Variants in TAFA2 observed in about 807,000 individuals in gnomAD.
TAFA2 encodes TAFA chemokine like family member 2.
TAFA2 carries 7 observed loss-of-function variants against 18.8 expected under a neutral mutation model. The ratio of observed to expected loss-of-function variants is 0.37; its 90% confidence interval spans 0.21 to 0.70. TAFA2 has a LOEUF of 0.70. Among genes scored for constraint, TAFA2 ranks in the 30% least tolerant of loss-of-function variants. TAFA2 has a pLI of 0.53. For synonymous variants in TAFA2, 60 were observed against 54.2 expected (o/e 1.11, Z -0.47); for missense variants, 122 against 158.1 (o/e 0.77, Z 1.23).
At chr12:62,199,091 G>A (rs1208554337) in intron 1 of TAFA2, among the ~76,000 whole-genome samples, 1 of 152,210 alleles carries the variant, frequency 6.6e-6, no homozygotes, top group Non-Finnish European at 1.5e-5. Flanking sequence ...GCTTACTCAT[G>A]TGTCTGAAAT....
intron 1 of TAFA2, among the ~76,000 whole-genome samples, chr12:61,976,529 C>A (rs925672005): frequency 6.6e-6 from 1 of 151,694 alleles, no homozygotes; most frequent in Non-Finnish European, 1.5e-5. Flanking sequence ...TTATTATAAT[C>A]CAAAATTTTT....
intron 1 of TAFA2, among the ~76,000 whole-genome samples, chr12:61,944,957 A>G (rs1174496447): frequency 6.7e-6 from 1 of 148,794 alleles, no homozygotes; most frequent in African/African-American, 2.5e-5. Context: ...TCATTTTATG[A>G]GGCCAGCATC....
intron 1 of TAFA2, among the ~76,000 whole-genome samples, chr12:62,117,852 A>G (rs1238506872): frequency 2.6e-5 from 4 of 152,162 alleles, no homozygotes; most frequent in African/African-American, 4.8e-5. Context: ...CTTAATATTC[A>G]TCTATTTTGG....
At chr12:62,196,460 C>G (rs1197671046), upstream of TAFA2, among the ~76,000 whole-genome samples, 1 of 152,152 alleles carries the variant, frequency 6.6e-6, no homozygotes, top group African/African-American at 2.4e-5. Context: ...AAGTGAGAGA[C>G]ATGAGACTCT....
chr12:61,973,307 C>T (rs974656339), intron 1 of TAFA2, among the ~76,000 whole-genome samples: 1 of 151,292 alleles, frequency 6.6e-6, no homozygotes, highest in Non-Finnish European at 1.5e-5. Flanking sequence ...CATTTCATAT[C>T]ATATTTTAAT....
In TAFA2 at chr12:61,951,339, G is replaced by T. The variant is rs369695186; in HGVS notation, c.-1-83913C>A. ...TTTGAAAGATTTTGTAAAACAAAAT[G>T]GTTACAATAAAAGAAGCCTGATGTT... On this transcript the variant is annotated intron_variant, in intron 1 of 4. Coordinates refer to ENST00000416284, the MANE Select transcript of TAFA2 (RefSeq NM_178539.5). Among the ~76,000 whole-genome samples the T allele has an allele frequency of 8.5e-5, 13 of 152,192 alleles. No homozygotes were observed. In the East Asian group the frequency reaches 1.4e-3, roughly 16 times the overall value.
intron 1 of TAFA2, among the ~76,000 whole-genome samples, chr12:62,147,154 A>G (rs75336547): frequency 3.3e-5 from 5 of 150,994 alleles, no homozygotes; most frequent in Non-Finnish European, 5.9e-5. Flanking sequence ...CTCACTATAT[A>G]CAAAAATTAA....
At chr12:62,248,618 C>T (rs1018644930) in intron 1 of TAFA2, among the ~76,000 whole-genome samples, 2 of 152,150 alleles carry the variant, frequency 1.3e-5, no homozygotes, top group African/African-American at 2.4e-5. Flanking sequence ...GGTACCAAGT[C>T]GTCAAGCAGA....
intron 1 of TAFA2, among the ~76,000 whole-genome samples, chr12:62,239,792 G>A (rs993682580): frequency 3.3e-5 from 5 of 152,180 alleles, no homozygotes; most frequent in Non-Finnish European, 5.9e-5. Flanking sequence ...CCACCATTGA[G>A]TTATACACCA....
chr12:61,866,999 C>T (rs1272592968), intron 2 of TAFA2, among the ~76,000 whole-genome samples: 2 of 150,906 alleles, frequency 1.3e-5, no homozygotes, highest in East Asian at 1.9e-4. Context: ...AGGTTTGTTA[C>T]GTATGTATAC....
At chr12:61,952,624 A>G (rs1878509816) in intron 1 of TAFA2, among the ~76,000 whole-genome samples, 2 of 152,154 alleles carry the variant, frequency 1.3e-5, no homozygotes, top group South Asian at 4.1e-4. Flanking sequence ...AACAGAAAAG[A>G]AAAAAGCAAC....
intron 2 of TAFA2, among the ~76,000 whole-genome samples, chr12:61,791,791 T>G (rs1432740640): frequency 6.6e-6 from 1 of 151,680 alleles, no homozygotes; most frequent in Non-Finnish European, 1.5e-5. Flanking sequence ...GTATAGTCAT[T>G]GTGGAAAACA....
intron 1 of TAFA2, among the ~76,000 whole-genome samples, chr12:62,251,705 C>G (rs1032417): frequency 0.86 from 130,448 of 152,236 alleles, 56,166 homozygotes; most frequent in African/African-American, 0.93. Context: ...TTGCTCCTCA[C>G]AGTTGTTTCC....
intron 1 of TAFA2, among the ~76,000 whole-genome samples, chr12:62,202,716 G>C (rs1177988540): frequency 1.4e-5 from 2 of 147,692 alleles, no homozygotes; most frequent in Non-Finnish European, 3.0e-5. Flanking sequence ...TTGTCTCTTT[G>C]TTCTGATTGG....
intron 4 of TAFA2, among the ~76,000 whole-genome samples, chr12:61,716,936 A>G (rs968681623): frequency 6.6e-6 from 1 of 152,208 alleles, no homozygotes; most frequent in Non-Finnish European, 1.5e-5. Context: ...CTAACATTAC[A>G]ATAAATTTAA....
intron 4 of TAFA2, among the ~76,000 whole-genome samples, chr12:61,740,663 T>G (rs1207436367): frequency 6.6e-6 from 1 of 151,990 alleles, no homozygotes; most frequent in African/African-American, 2.4e-5. Context: ...AAAACTCACT[T>G]GTAGCACTTA....
intron 1 of TAFA2, among the ~76,000 whole-genome samples, chr12:62,134,868 C>T (rs952336771): frequency 1.3e-5 from 2 of 151,988 alleles, no homozygotes; most frequent in African/African-American, 4.8e-5. Context: ...ATTGCACATT[C>T]CATTCCCCCT....
chr12:62,193,397 G>T (rs2062635950), upstream of TAFA2, among the ~76,000 whole-genome samples: 1 of 152,134 alleles, frequency 6.6e-6, no homozygotes, highest in Admixed American at 6.5e-5. Context: ...ATTCCTTCCA[G>T]CTCTAAAGGT....
chr12:62,151,709 C>A (rs186191426), intron 1 of TAFA2, among the ~76,000 whole-genome samples: 2 of 152,194 alleles, frequency 1.3e-5, no homozygotes, highest in East Asian at 3.8e-4. Context: ...CTTTCTTCCC[C>A]AGACTTGTGT....
Sources: gnomAD v4.1 joint callset for allele counts (sites outside exome capture counted in the v4.1 genomes callset) on GRCh38, gnomAD v4.1.1 for gene constraint, MANE v1.5 for transcripts, NCBI Gene and HGNC (gene_info 2026-07-23, HGNC 2026-07-21) for gene names.